MASP2: variants seen among roughly 807,000 people sequenced by gnomAD.
MASP2 encodes the protein mannan-binding lectin serine protease 2.
A neutral mutation model predicts 57.1 loss-of-function variants in MASP2; 49 were observed. That is an observed-to-expected ratio of 0.86 (90% CI 0.68 to 1.09). MASP2 has a LOEUF of 1.09. Among genes scored for constraint, MASP2 ranks in the 50% least tolerant of loss-of-function variants. MASP2 has a pLI of 0.00. For synonymous variants in MASP2, 379 were observed against 340.8 expected (o/e 1.11, Z -1.24); for missense variants, 900 against 874.8 (o/e 1.03, Z -0.36).
rs41307788 is a variant in MASP2 at position 11,045,485 on chromosome 1, C to T, written c.467G>A (p.Cys156Tyr). ...GTAGAAACCGCCCAGGTGGTTGTGGCAGTGGTGGTCGCAGGTGGGCGCCTC... is the reference window on the plus strand; with the variant it reads ...GTAGAAACCGCCCAGGTGGTTGTGGTAGTGGTGGTCGCAGGTGGGCGCCTC... ...PGEAPTCDHH[C>Y]HNHLGGFYCS... The change falls in exon 4 of 11, where the codon TGC (cysteine) becomes TAC (tyrosine). Residue 156 changes from cysteine to tyrosine, a missense_variant. Transcript: ENST00000400897. The T allele has an allele frequency of 8.1e-3, 13,124 of 1,612,448 alleles. 67 individuals carry two copies. The highest frequency in any genetic ancestry group is 9.6e-3 in the Non-Finnish European group (11,330 of 1,179,870).
At position 11,028,656 on chromosome 1, in the gene MASP2, C is replaced by T. The variant is rs574349282; in HGVS notation, c.1298-1008G>A. The stretch of plus-strand genomic sequence containing the variant: ...CAGGTTTAAAAAAACTAATTTGAGC[C>T]AAATAACACAAGGGTAATTAATATA... On this transcript the variant is annotated intron_variant, in intron 10 of 10. Transcript: ENST00000400897. 4.6e-5 allele frequency among the ~76,000 whole-genome samples: 7 copies of T among 150,964 alleles called. No homozygotes were observed. The South Asian group carries it at 1.5e-3, about 32-fold the overall frequency.
rs1323683539 is a variant in MASP2, at chr1:11,036,535, A to AC, written c.1008+1157_1008+1158insG. Among the ~76,000 whole-genome samples, 342 of 139,564 alleles carry AC rather than the reference A, an allele frequency of 2.5e-3. 4 individuals carry two copies. Among genetic ancestry groups the AC allele is most frequent in the South Asian group, 8.3e-3 (37 of 4,466 alleles). The allele number at this position is 139,564 out of a possible 152,430, so 91.6% of individuals were successfully genotyped here. A position where few individuals can be genotyped will look rare whatever the true frequency, so the allele number is the denominator to read the frequency against. On this transcript the variant is annotated intron_variant, in intron 7 of 10. Coordinates refer to ENST00000400897, the MANE Select transcript of MASP2 (RefSeq NM_006610.4). ...CAAAAAAAAAAAAAAAAAAAAAAAA[A>AC]AACAAAAAAAAAAGAAACTAAAGAA...
Position 11,027,117 on chromosome 1 carries a change from C to T in MASP2, c.1829G>A (p.Gly610Glu), listed in dbSNP as rs1469600508. 1 of 1,610,600 alleles carries T rather than the reference C, an allele frequency of 6.2e-7. No individual in the cohort carries two copies. The highest frequency in any genetic ancestry group is 8.5e-7 in the Non-Finnish European group (1 of 1,178,208). ...ACAAAGCATGTTAGCAGTTACACTT[C>T]CCCTTGGATAGGGTGGCTTTTCATA... ...AAYEKPPYPR[G>E]SVTANMLCAG... The change falls in exon 11 of 11, where the codon GGA (glycine) becomes GAA (glutamate). Residue 610 changes from glycine to glutamate, a missense_variant. Physicochemically the swap from Gly to Glu is moderately conservative, Grantham distance 98. Coordinates refer to ENST00000400897, the MANE Select transcript of MASP2 (RefSeq NM_006610.4).
At chr1:11,044,811 G>A in intron 4 of MASP2, 2 of 1,469,968 alleles carry the variant, frequency 1.4e-6, no homozygotes, top group Non-Finnish European at 9.1e-7. Context: ...GGTGGGGCCA[G>A]GTTTATTATT....
intron 4 of MASP2, among the ~76,000 whole-genome samples, chr1:11,043,933 G>A (rs1383544920): frequency 1.3e-4 from 19 of 151,722 alleles, no homozygotes; most frequent in African/African-American, 4.4e-4. Flanking sequence ...GGGGTGGATG[G>A]ACACACAGGA....
intron 5 of MASP2, 108 bp from the exon 6 acceptor site, chr1:11,043,130 C>T (rs879362022): frequency 2.4e-6 from 3 of 1,267,280 alleles, no homozygotes; most frequent in Non-Finnish European, 3.3e-6. Flanking sequence ...ATGAGGCCAA[C>T]CCAGGCCATG....
At chr1:11,041,087 A>T (rs1638412523) in intron 6 of MASP2, among the ~76,000 whole-genome samples, 1 of 141,822 alleles carries the variant, frequency 7.1e-6, no homozygotes. Flanking sequence ...GGGTAGGTGG[A>T]TGGATAGAAG....
chr1:11,043,624 A>G (rs1370095488), intron 4 of MASP2, 89 bp from the exon 5 acceptor site: 9 of 892,200 alleles, frequency 1.0e-5, no homozygotes, highest in Non-Finnish European at 1.6e-5. Context: ...GGGAGCAGGA[A>G]ACTGGGACAG....
In MASP2 at chr1:11,043,368, CA is replaced by C; in HGVS notation, c.711del (p.Glu238LysfsTer37). On this transcript the variant is annotated frameshift_variant, in exon 5 of 11. Coordinates refer to ENST00000400897, the MANE Select transcript of MASP2 (RefSeq NM_006610.4). LOFTEE classifies it high-confidence loss of function. ...FVESFDVETH[P>X]ETLCPYDFLK... ...AGAAAGTCGTAGGGACACAGGGTTT[CA>C]GGGTGTGTCTCCACATCGAAGGACT... 6.2e-7 allele frequency: 1 copy of C among 1,608,904 alleles called. No individual in the cohort carries two copies. The highest frequency in any genetic ancestry group is 8.5e-7 in the Non-Finnish European group (1 of 1,178,126).
At chr1:11,041,938 AAGT>A (rs1638465120) in intron 6 of MASP2, among the ~76,000 whole-genome samples, 2 of 144,792 alleles carry the variant, frequency 1.4e-5, no homozygotes, top group Non-Finnish European at 3.0e-5. Context: ...GGGTAGGTAG[AAGT>A]ATAAGTGGAT....
At chr1:11,028,508 T>C (rs1017409817) in intron 10 of MASP2, among the ~76,000 whole-genome samples, 7 of 152,176 alleles carry the variant, frequency 4.6e-5, no homozygotes, top group African/African-American at 1.7e-4. Context: ...TAGTTGATTC[T>C]TCCAAACTAA....
intron 4 of MASP2, among the ~76,000 whole-genome samples, chr1:11,044,632 C>T (rs984341993): frequency 5.3e-5 from 8 of 152,184 alleles, no homozygotes; most frequent in African/African-American, 1.9e-4. Flanking sequence ...CCTCTCCGGG[C>T]CTCAGTGCCC....
In MASP2 at chr1:11,027,311, A is replaced by G. The variant is rs536389147; in HGVS notation, c.1635T>C (p.Asn545=). Residue 545 remains asparagine (N), a synonymous_variant, in exon 11 of 11, where the codon AAT becomes AAC. Transcript: ENST00000400897. Reference sequence around the variant, plus strand: ...GCAGACAAATAGGCGTGATGTTGCTATTGATTACAACTTTGTTATTCAATT... The same window carrying G: ...GCAGACAAATAGGCGTGATGTTGCTGTTGATTACAACTTTGTTATTCAATT... The part of the protein sequence containing the change: ...LIKLNNKVVI[N]SNITPICLPR... 162 of 1,614,012 alleles carry G rather than the reference A, an allele frequency of 1.0e-4. 1 individual carries two copies. The South Asian group carries it at 1.6e-3, about 16-fold the overall frequency.
intron 10 of MASP2, among the ~76,000 whole-genome samples, chr1:11,028,722 T>TTTTTTTTTTTGTTTTG (rs1643787228): frequency 6.7e-6 from 1 of 148,182 alleles, no homozygotes; most frequent in African/African-American, 2.6e-5. Flanking sequence ...TTTTTTTTTT[T>TTTTTTTTTTTGTTTTG]TTTTTTTTTG....
chr1:11,047,014 C>A lies in MASP2; in HGVS notation c.111G>T (p.Gly37=). 6.4e-7 allele frequency: 1 copy of A among 1,552,544 alleles called. No individual in the cohort carries two copies. ...GCCGCTCCTGGTCATTGGCATACTCCCCTGGAAAGCCGGGGGATGCCAGGC... is the reference window on the plus strand; with the variant it reads ...GCCGCTCCTGGTCATTGGCATACTCACCTGGAAAGCCGGGGGATGCCAGGC... ...FGRLASPGFP[G]EYANDQERRW... Residue 37 remains glycine, a synonymous_variant, in exon 2 of 11, where the codon GGG becomes GGT. Transcript: ENST00000400897.
At chr1:11,031,030 C>CCATGTTTAA in intron 8 of MASP2, 148 bp from the exon 9 acceptor site, 1 of 724,034 alleles carries the variant, frequency 1.4e-6, no homozygotes, top group East Asian at 2.9e-5. Flanking sequence ...TGGCAAGACC[C>CCATGTTTAA]CCTCTCTACG....
rs756286024 is a variant in MASP2, at chr1:11,027,062, G to A, written c.1884C>T (p.Ser628=). ...CAGLESGGKD[S]CRGDSGGALV... ...GTGCCCCTCCGCTGTCACCTCTGCA[G>A]CTGTCCTTGCCCCCACTTTCTAAGC... Residue 628 remains serine (S), a synonymous_variant, in exon 11 of 11, where the codon AGC becomes AGT. Transcript: ENST00000400897. 2 of 1,593,242 alleles carry A rather than the reference G, an allele frequency of 1.3e-6. No homozygotes were observed. Among genetic ancestry groups the A allele is most frequent in the Non-Finnish European group, 1.7e-6 (2 of 1,169,926 alleles).
chr1:11,030,094 A>C (rs1487093699), intron 10 of MASP2, 82 bp downstream of exon 10: 1 of 978,418 alleles, frequency 1.0e-6, no homozygotes, highest in Non-Finnish European at 1.6e-6. Context: ...TCTGCCTACC[A>C]CAGCTAAAGC....
intron 10 of MASP2, among the ~76,000 whole-genome samples, chr1:11,028,551 G>T (rs1463424200): frequency 3.9e-5 from 6 of 152,020 alleles, no homozygotes; most frequent in African/African-American, 1.4e-4. Flanking sequence ...AATTAAATAC[G>T]CCCATTAATG....
Sources: allele counts gnomAD v4.1 joint callset (sites outside exome capture counted in the v4.1 genomes callset), GRCh38; gene constraint gnomAD v4.1.1; transcripts MANE v1.5; gene names NCBI Gene and HGNC (gene_info 2026-07-23, HGNC 2026-07-21).